The following PRUNE2 variants were observed in gnomAD, a reference collection of about 807,000 sequenced individuals.
The protein encoded by PRUNE2 is protein prune homolog 2.
Under a neutral mutation model 252.0 loss-of-function variants are expected in PRUNE2, and 164 were observed. The ratio of observed to expected loss-of-function variants is 0.65; its 90% CI spans 0.57 to 0.74. PRUNE2 has a LOEUF of 0.74. Ranked by LOEUF, PRUNE2 falls within the 30% of genes least tolerant of loss-of-function variation. The probability of loss-of-function intolerance (pLI) is 0.00; values close to 1 mark genes in which losing one functional copy is unlikely to be tolerated. For synonymous variants in PRUNE2, 1,292 were observed against 1,350.2 expected (o/e 0.96, Z 0.94); for missense variants, 3,495 against 3,711.0 (o/e 0.94, Z 1.51).
Position 76,705,804 on chromosome 9 carries a change from T to C in PRUNE2, c.6470A>G (p.Asn2157Ser), listed in dbSNP as rs376951978. 4.2e-5 allele frequency: 67 copies of C among 1,613,846 alleles called. No homozygotes were observed. The Middle Eastern group carries it at 8.3e-4, about 20-fold the overall frequency. The change falls in exon 8 of 19, where the codon AAT (asparagine) becomes AGT (serine). Residue 2157 changes from asparagine to serine, a missense_variant. Physicochemically the swap from Asn to Ser is conservative, Grantham distance 46 (BLOSUM62 1). Coordinates refer to ENST00000376718, the MANE Select transcript of PRUNE2 (RefSeq NM_015225.3). ...YEPGREFVPSNAELDSENATV... is the reference protein window; with the variant it reads ...YEPGREFVPSSAELDSENATV... ...TGCGTTTTCAGAATCGAGTTCTGCA[T>C]TGGATGGGACAAACTCCCGTCCAGG...
chr9:76,851,981 C>T (rs1371491031), intron 2 of PRUNE2, among the ~76,000 whole-genome samples: 1 of 152,160 alleles, frequency 6.6e-6, no homozygotes, highest in Non-Finnish European at 1.5e-5. Context: ...CATAAATGGC[C>T]TTTACTCTCA....
intron 9 of PRUNE2, among the ~76,000 whole-genome samples, chr9:76,695,071 G>A (rs1000734871): frequency 6.6e-6 from 1 of 152,084 alleles, no homozygotes; most frequent in African/African-American, 2.4e-5. Context: ...GGTCTCACTC[G>A]TTCACCTGGG....
intron 9 of PRUNE2, chr9:76,692,466 T>TA (rs58784975): frequency 7.8e-5 from 21 of 268,348 alleles, no homozygotes; most frequent in East Asian, 2.6e-4. Flanking sequence ...AACCTCTTTT[T>TA]AAAAAAAAAT....
chr9:76,801,815 C>T (rs961204072), intron 6 of PRUNE2, among the ~76,000 whole-genome samples: 2 of 152,178 alleles, frequency 1.3e-5, no homozygotes, highest in African/African-American at 4.8e-5. Flanking sequence ...GTGCTGCGTA[C>T]AGACAATGTT....
At chr9:76,884,142 T>C (rs1285984911) in intron 1 of PRUNE2, among the ~76,000 whole-genome samples, 1 of 152,140 alleles carries the variant, frequency 6.6e-6, no homozygotes, top group East Asian at 1.9e-4. Context: ...TGATGGTTTA[T>C]CCTGCTGAAA....
intron 1 of PRUNE2, among the ~76,000 whole-genome samples, chr9:76,857,462 CAGA>C (rs2060320882): frequency 6.6e-6 from 1 of 152,148 alleles, no homozygotes. Flanking sequence ...ACAGCCCAAC[CAGA>C]AGGTACCTTT....
chr9:76,634,903 C>T (rs1266922926), intron 15 of PRUNE2, among the ~76,000 whole-genome samples: 1 of 152,198 alleles, frequency 6.6e-6, no homozygotes, highest in East Asian at 1.9e-4. Flanking sequence ...TTGATTCCTA[C>T]TCCCTAGTTA....
rs73650279 is a variant in PRUNE2, at chr9:76,704,055, G to A, written c.7558C>T (p.Pro2520Ser). The A allele has an allele frequency of 2.8e-3, 4,501 of 1,602,252 alleles. 104 individuals are homozygous for A. The African/African-American group carries it at 0.055, about 20-fold the overall frequency. ...ISELEEEKTI[P>S]TKEPEQIKSE... is the part of the protein sequence containing the mutation. Reference sequence around the variant, plus strand: ...TTTATCTGCTCAGGCTCTTTGGTAGGAATTGTTTTTTCTTCTTCCAATTCT... The same window carrying A: ...TTTATCTGCTCAGGCTCTTTGGTAGAAATTGTTTTTTCTTCTTCCAATTCT... Residue 2520 changes from proline (P) to serine (S), a missense_variant, in exon 9 of 19, where the codon CCT becomes TCT. Transcript: ENST00000376718.
At chr9:76,716,507 G>A (rs942022655) in intron 6 of PRUNE2, among the ~76,000 whole-genome samples, 12 of 152,166 alleles carry the variant, frequency 7.9e-5, no homozygotes, top group Admixed American at 3.9e-4. Context: ...GACTCACACT[G>A]CCAGCTCTTT....
rs572406211 is a variant in PRUNE2, at chr9:76,728,775, C to T, written c.757-15054G>A. Among the ~76,000 whole-genome samples, 3 of 152,316 alleles carry T rather than the reference C, an allele frequency of 2.0e-5. No individual in the cohort carries two copies. In the East Asian group the frequency reaches 5.8e-4, roughly 29 times the overall value. On this transcript the variant is annotated intron_variant, in intron 6 of 18. Transcript: ENST00000376718. ...GCTCCACAGCCTGTTATCTCTGCAC[C>T]TTTAGGCAAGTTACTTATTAGGCTA...
intron 1 of PRUNE2, among the ~76,000 whole-genome samples, chr9:76,879,936 C>T (rs1373153589): frequency 1.0e-4 from 5 of 49,996 alleles, no homozygotes; most frequent in Non-Finnish European, 6.8e-5. Context: ...TTTTTTGAGA[C>T]GGAGTCTCAC....
intron 18 of PRUNE2, among the ~76,000 whole-genome samples, chr9:76,618,449 C>T (rs1189471664): frequency 6.6e-6 from 1 of 152,272 alleles, no homozygotes; most frequent in Non-Finnish European, 1.5e-5. Flanking sequence ...TTCTCCACAA[C>T]TCAAACCAAA....
chr9:76,731,326 T>TATA (rs1282077047), intron 6 of PRUNE2, among the ~76,000 whole-genome samples: 97 of 100,934 alleles, frequency 9.6e-4, no homozygotes, highest in African/African-American at 3.5e-3. Context: ...ATATATATAT[T>TATA]TTTTTTTTTT....
chr9:76,670,357 G>A (rs530323013), intron 9 of PRUNE2, among the ~76,000 whole-genome samples: 1 of 152,092 alleles, frequency 6.6e-6, no homozygotes, highest in East Asian at 1.9e-4. Flanking sequence ...CTTAAAAAAC[G>A]GCACACCACG....
intron 2 of PRUNE2, among the ~76,000 whole-genome samples, chr9:76,851,276 G>A (rs371661446): frequency 6.6e-6 from 1 of 152,216 alleles, no homozygotes; most frequent in South Asian, 2.1e-4. Flanking sequence ...GGCTGGGTGC[G>A]ATGGTTCATG....
At chr9:76,863,084 A>G (rs1478492144) in intron 1 of PRUNE2, 1 of 152,228 alleles carries the variant, frequency 6.6e-6, no homozygotes, top group Non-Finnish European at 1.5e-5. Context: ...CTCTATTGTT[A>G]GAGATTAAAT....
At chr9:76,661,266 A>G (rs1851317852) in intron 9 of PRUNE2, among the ~76,000 whole-genome samples, 1 of 152,172 alleles carries the variant, frequency 6.6e-6, no homozygotes, top group South Asian at 2.1e-4. Context: ...TATTGTTAGT[A>G]TTTTTTGGTA....
intron 6 of PRUNE2, among the ~76,000 whole-genome samples, chr9:76,799,615 G>C (rs1282302133): frequency 6.6e-6 from 1 of 152,110 alleles, no homozygotes; most frequent in Non-Finnish European, 1.5e-5. Flanking sequence ...AGAGCATGTG[G>C]TTATCAGAAC....
chr9:76,761,128 T>C (rs73460240), intron 6 of PRUNE2, among the ~76,000 whole-genome samples: 21,565 of 149,924 alleles, frequency 0.14, 2,203 homozygotes, highest in East Asian at 0.4. Flanking sequence ...TTTGCTGAAT[T>C]TAATCCAACC....
Sources: allele counts gnomAD v4.1 joint callset (sites outside exome capture counted in the v4.1 genomes callset), GRCh38; gene constraint gnomAD v4.1.1; transcripts MANE v1.5; gene names NCBI Gene and HGNC (gene_info 2026-07-23, HGNC 2026-07-21).